The following NBEA variants were observed in gnomAD, a reference collection of about 807,000 sequenced individuals.
NBEA encodes neurobeachin, also known as lysosomal-trafficking regulator 2.
A neutral mutation model predicts 343.4 loss-of-function variants in NBEA; 44 were observed. The ratio of observed to expected loss-of-function variants is 0.13; its 90% CI spans 0.10 to 0.16. The LOEUF (loss-of-function observed/expected upper bound fraction) is 0.16, where lower values mean the gene tolerates loss of function less well. Among genes scored for constraint, NBEA ranks in the 10% least tolerant of loss-of-function variants. The pLI, the probability that NBEA is intolerant of heterozygous loss-of-function variation, is 1.00. For synonymous variants in NBEA, 1,175 were observed against 1,238.7 expected (o/e 0.95, Z 1.08); for missense variants, 2,555 against 3,631.3 (o/e 0.70, Z 7.62).
intron 34 of NBEA, among the ~76,000 whole-genome samples, chr13:35,271,657 T>G (rs2152804756): frequency 6.6e-6 from 1 of 152,256 alleles, no homozygotes; most frequent in Admixed American, 6.5e-5. Flanking sequence ...AGAGAAGAGC[T>G]TAAGTGACCT....
chr13:35,605,531 C>G (rs1304968507), intron 47 of NBEA, among the ~76,000 whole-genome samples: 2 of 152,104 alleles, frequency 1.3e-5, no homozygotes, highest in African/African-American at 4.8e-5. Context: ...AAATGTGTAG[C>G]CTCACAACCC....
intron 48 of NBEA, among the ~76,000 whole-genome samples, chr13:35,611,196 C>G (rs1245474983): frequency 6.6e-6 from 1 of 152,076 alleles, no homozygotes; most frequent in Non-Finnish European, 1.5e-5. Flanking sequence ...GGTTTTAGCC[C>G]CCCAAAAATG....
intron 36 of NBEA, among the ~76,000 whole-genome samples, chr13:35,323,128 G>T (rs759296022): frequency 1.3e-5 from 2 of 152,146 alleles, no homozygotes; most frequent in African/African-American, 4.8e-5. Context: ...GGGATTACAC[G>T]CATAAGCCAC....
intron 24 of NBEA, among the ~76,000 whole-genome samples, chr13:35,167,648 C>T (rs1246257200): frequency 4.0e-5 from 6 of 151,772 alleles, no homozygotes; most frequent in African/African-American, 1.4e-4. Context: ...AAATAGACCT[C>T]TTAGTATGTA....
chr13:35,302,779 A>T (rs2036636838), intron 35 of NBEA, among the ~76,000 whole-genome samples: 1 of 152,208 alleles, frequency 6.6e-6, no homozygotes, highest in South Asian at 2.1e-4. Context: ...TATAGTCATT[A>T]TGACAATTGC....
chr13:35,569,132 A>G (rs562055382), intron 45 of NBEA, among the ~76,000 whole-genome samples: 1 of 152,160 alleles, frequency 6.6e-6, no homozygotes, highest in African/African-American at 2.4e-5. Context: ...ATATGCTTTG[A>G]ATTGTGTTTC....
chr13:34,975,966 T>G (rs2060159548), intron 1 of NBEA, among the ~76,000 whole-genome samples: 2 of 152,232 alleles, frequency 1.3e-5, no homozygotes, highest in Admixed American at 1.3e-4. Context: ...ACTTTTACAC[T>G]GCTGGTGGGA....
intron 8 of NBEA, among the ~76,000 whole-genome samples, chr13:35,066,114 C>G (rs926486790): frequency 1.3e-4 from 20 of 152,082 alleles, no homozygotes; most frequent in African/African-American, 4.8e-4. Flanking sequence ...GCACAAGCCA[C>G]TGTGCCTGAC....
intron 1 of NBEA, among the ~76,000 whole-genome samples, chr13:34,956,340 A>T (rs73167718): frequency 0.018 from 2,680 of 150,942 alleles, 27 homozygotes; most frequent in Middle Eastern, 0.034. Context: ...CAAATAATCA[A>T]TTTTTTATAA....
At chr13:34,975,798 A>G (rs1056335768) in intron 1 of NBEA, among the ~76,000 whole-genome samples, 7 of 152,244 alleles carry the variant, frequency 4.6e-5, no homozygotes, top group African/African-American at 1.7e-4. Flanking sequence ...GAAGATATAC[A>G]GATGGTCAAC....
chr13:35,117,208 T>G (rs2066540784), intron 13 of NBEA, among the ~76,000 whole-genome samples: 1 of 151,768 alleles, frequency 6.6e-6, no homozygotes. Context: ...AAATCAGACA[T>G]TCAGTAAATA....
intron 1 of NBEA, among the ~76,000 whole-genome samples, chr13:35,013,007 T>A (rs1224969829): frequency 1.3e-5 from 2 of 152,212 alleles, no homozygotes; most frequent in African/African-American, 4.8e-5. Context: ...TAGTAAGAAT[T>A]CTTTTATCAA....
chr13:35,565,825 CA>C (rs2080110865), intron 44 of NBEA, among the ~76,000 whole-genome samples: 1 of 152,172 alleles, frequency 6.6e-6, no homozygotes, highest in East Asian at 1.9e-4. Context: ...AAAACATAAG[CA>C]GACATATTCA....
chr13:35,448,207 T>C (rs1341596148), intron 39 of NBEA, among the ~76,000 whole-genome samples: 2 of 152,212 alleles, frequency 1.3e-5, no homozygotes, highest in African/African-American at 4.8e-5. Flanking sequence ...AATTGAAAGC[T>C]TGATATACAT....
In NBEA at chr13:35,439,442, A is replaced by C. The variant is rs1223593898; in HGVS notation, c.6304+7049A>C. 5.3e-5 allele frequency among the ~76,000 whole-genome samples: 8 copies of C among 152,316 alleles called. No individual in the cohort carries two copies. In the East Asian group the frequency reaches 1.5e-3, roughly 29 times the overall value. ...AATTTGCCAGGTTATCGGGGAGTAAAGGCAGAGGTCATAACAGAAATTACC... is the reference window on the plus strand; with the variant it reads ...AATTTGCCAGGTTATCGGGGAGTAACGGCAGAGGTCATAACAGAAATTACC... On this transcript the variant is annotated intron_variant, in intron 39 of 58. Coordinates refer to ENST00000379939, the MANE Select transcript of NBEA (RefSeq NM_001385012.1).
chr13:35,487,572 T>C (rs931334612), intron 41 of NBEA, among the ~76,000 whole-genome samples: 1 of 151,804 alleles, frequency 6.6e-6, no homozygotes, highest in Non-Finnish European at 1.5e-5. Context: ...CCAGAGGTGG[T>C]TATCTAACCT....
intron 40 of NBEA, among the ~76,000 whole-genome samples, chr13:35,471,262 C>T (rs1164661784): frequency 2.0e-5 from 3 of 152,186 alleles, no homozygotes; most frequent in African/African-American, 7.2e-5. Context: ...TTGGCCGCCT[C>T]TCCCGAGCCC....
intron 41 of NBEA, among the ~76,000 whole-genome samples, chr13:35,500,546 TAAA>T (rs1321453969): frequency 2.6e-5 from 4 of 152,072 alleles, no homozygotes; most frequent in Admixed American, 2.0e-4. Flanking sequence ...CTGGGGCTGA[TAAA>T]GAAGAGTGTT....
intron 11 of NBEA, among the ~76,000 whole-genome samples, chr13:35,102,235 A>C (rs1186284943): frequency 6.6e-6 from 1 of 151,770 alleles, no homozygotes; most frequent in Non-Finnish European, 1.5e-5. Flanking sequence ...TTGCAGTCTA[A>C]TCTTTGCCAT....
Sources: allele counts gnomAD v4.1 joint callset (sites outside exome capture counted in the v4.1 genomes callset), GRCh38; gene constraint gnomAD v4.1.1; transcripts MANE v1.5; gene names NCBI Gene and HGNC (gene_info 2026-07-23, HGNC 2026-07-21).